HSPG2: variants seen among roughly 807,000 people sequenced by gnomAD.
HSPG2 encodes basement membrane-specific heparan sulfate proteoglycan core protein.
Under a neutral mutation model 526.6 loss-of-function variants are expected in HSPG2, and 278 were observed. The observed-to-expected ratio is 0.53, with a 90% confidence interval of 0.48 to 0.58. The LOEUF (loss-of-function observed/expected upper bound fraction) is 0.58. Ranked by LOEUF, HSPG2 falls within the 20% of genes least tolerant of loss-of-function variation. The pLI, the probability that HSPG2 is intolerant of heterozygous loss-of-function variation, is 0.00. For synonymous variants in HSPG2, 2,465 were observed against 2,555.4 expected (o/e 0.96, Z 1.07); for missense variants, 5,354 against 6,099.5 (o/e 0.88, Z 4.07).
chr1:21,873,198 T>TA lies in HSPG2; in HGVS notation c.3794-108dup, dbSNP rs1204488815. On this transcript the variant is annotated intron_variant, in intron 30 of 96. Transcript: ENST00000374695. ...CGGGAGCTCTGATTTCTGATGTGAG[T>TA]ACTCAACACTCTCACGACAGCCCTC... 4.4e-6 allele frequency: 5 copies of TA among 1,144,024 alleles called. No individual in the cohort carries two copies. The African/African-American group carries it at 6.1e-5, about 14-fold the overall frequency. 70.9% of individuals were successfully genotyped at this position (1,144,024 alleles called of 1,614,324 possible).
At chr1:21,891,034 C>T (rs917568912) in intron 3 of HSPG2, among the ~76,000 whole-genome samples, 1 of 152,230 alleles carries the variant, frequency 6.6e-6, no homozygotes, top group African/African-American at 2.4e-5. Flanking sequence ...CAGGGATTAC[C>T]TGCGTGTGAC....
Position 21,823,234 on chromosome 1 carries a change from T to C in HSPG2, c.*82A>G. On this transcript the variant is annotated 3_prime_UTR_variant, in exon 97 of 97. Transcript: ENST00000374695. ...GCATCGCCTCGGTTTCTTACAAAAA[T>C]TCATAATAATATTAATAATAATATA... is the stretch of plus-strand genomic sequence containing the variant. The C allele has an allele frequency of 7.1e-6, 9 of 1,272,250 alleles. No individual in the cohort carries two copies. The highest frequency in any genetic ancestry group is 9.3e-6 in the Non-Finnish European group (9 of 969,964). 78.8% of individuals were successfully genotyped at this position (1,272,250 alleles called of 1,614,324 possible). A position where few individuals can be genotyped will look rare whatever the true frequency, so the allele number is the denominator to read the frequency against.
rs1377181476 is a variant in HSPG2 at position 21,831,578 on chromosome 1, A to G, written c.11353-16T>C. 1 of 1,613,874 alleles carries G rather than the reference A, an allele frequency of 6.2e-7. No individual in the cohort carries two copies. Among genetic ancestry groups the G allele is most frequent in the Non-Finnish European group, 8.5e-7 (1 of 1,179,930 alleles). ...GGAACTTGCCCTGGGGAGGTGGGGA[A>G]GTCAGGAATGGCAACAGAGGCTGGG... is the stretch of plus-strand genomic sequence containing the variant. On this transcript the variant is annotated splice_polypyrimidine_tract_variant and intron_variant, in intron 82 of 96. Transcript: ENST00000374695.
Position 21,823,157 on chromosome 1 carries a change from A to AG in HSPG2, c.*158dup. The AG allele has an allele frequency of 1.5e-6, 1 of 674,540 alleles. No homozygotes were observed. The allele number at this position is 674,540 out of a possible 1,614,324, so 41.8% of individuals were successfully genotyped here. ...GTGGCTTTGCCCAGCTGTGTGTGTG[A>AG]GGGTGGCATGCCCACCTCCAGTCCA... is the stretch of plus-strand genomic sequence containing the variant. On this transcript the variant is annotated 3_prime_UTR_variant, in exon 97 of 97. Coordinates refer to ENST00000374695, the MANE Select transcript of HSPG2 (RefSeq NM_005529.7).
At position 21,872,647 on chromosome 1, in the gene HSPG2, G is replaced by A. The variant is rs770032587; in HGVS notation, c.4002C>T (p.Cys1334=). 8 of 1,595,218 alleles carry A rather than the reference G, an allele frequency of 5.0e-6. No homozygotes were observed. Among genetic ancestry groups the A allele is most frequent in the South Asian group, 2.3e-5 (2 of 87,702 alleles). ...GGTGGCGTGTGTAGGCAGAGCTGGC[G>A]CACTGCTGGGTGATGCCCATACAGA... ...PCFCMGITQQ[C]ASSAYTRHLI... The change falls in exon 32 of 97, where the codon TGC becomes TGT. Residue 1334 remains cysteine, a synonymous_variant. Transcript: ENST00000374695. This position sits in a 1 kb window ranked among gnomAD's most constrained non-coding sequence, Gnocchi z 5.5.
chr1:21,822,410 A>G lies in HSPG2; in HGVS notation c.*906T>C, dbSNP rs1028392980. The G allele has an allele frequency of 6.5e-6, 4 of 612,412 alleles. No individual in the cohort carries two copies. The highest frequency in any genetic ancestry group is 5.5e-5 in the African/African-American group (3 of 54,280). 37.9% of individuals were successfully genotyped at this position (612,412 alleles called of 1,614,324 possible). Reference sequence around the variant, plus strand: ...CCTGCAGATGGGGCAGGGTGGTCATATCCCCCTCCTCTCTCTCTCAGTCGT... The same window carrying G: ...CCTGCAGATGGGGCAGGGTGGTCATGTCCCCCTCCTCTCTCTCTCAGTCGT... On this transcript the variant is annotated 3_prime_UTR_variant, in exon 97 of 97. Transcript: ENST00000374695.
At position 21,863,068 on chromosome 1, in the gene HSPG2, A is replaced by ACAAAAAAAAAAAC. The variant is rs1557740472; in HGVS notation, c.4741-954_4741-953insGTTTTTTTTTTTG. Among the ~76,000 whole-genome samples, 471 of 66,246 alleles carry ACAAAAAAAAAAAC rather than the reference A, an allele frequency of 7.1e-3. 17 individuals are homozygous for ACAAAAAAAAAAAC. The highest frequency in any genetic ancestry group is 0.01 in the Non-Finnish European group (354 of 34,172). The allele number at this position is 66,246 out of a possible 152,430, so 43.5% of individuals were successfully genotyped here. A position where few individuals can be genotyped will look rare whatever the true frequency, so the allele number is the denominator to read the frequency against. On this transcript the variant is annotated intron_variant, in intron 37 of 96. Transcript: ENST00000374695. ...AAAGCGAGACTCCATCTCAAAAAAA[A>ACAAAAAAAAAAAC]AAAAAAAAAAAAAAAAAAAAGAGGC... is the stretch of plus-strand genomic sequence containing the variant.
rs1158293800 is a variant in HSPG2, at chr1:21,864,256, C to T, written c.4627-43G>A. 2 of 1,472,578 alleles carry T rather than the reference C, an allele frequency of 1.4e-6. No homozygotes were observed. Among genetic ancestry groups the T allele is most frequent in the East Asian group, 2.5e-5 (1 of 40,524 alleles). The allele number at this position is 1,472,578 out of a possible 1,614,324, so 91.2% of individuals were successfully genotyped here. ...GGTTGGCCTCTGTTCCCAACGTGCC[C>T]CACCCACAGCCAGCAGACCCAGAAC... On this transcript the variant is annotated intron_variant, in intron 36 of 96. Coordinates refer to ENST00000374695, the MANE Select transcript of HSPG2 (RefSeq NM_005529.7). The surrounding 1 kb of genome is among the most constrained non-coding windows in gnomAD (Gnocchi z 4.8).
Position 21,848,019 on chromosome 1 carries a change from G to A in HSPG2, c.7812C>T (p.Asn2604=), listed in dbSNP as rs564192590. 8 of 1,613,602 alleles carry A rather than the reference G, an allele frequency of 5.0e-6. No homozygotes were observed. Among genetic ancestry groups the A allele is most frequent in the East Asian group, 4.5e-5 (2 of 44,874 alleles). The change falls in exon 60 of 97, where the codon AAC becomes AAT. Residue 2604 remains asparagine, a synonymous_variant. Transcript: ENST00000374695. The surrounding 1 kb of genome is among the most constrained non-coding windows in gnomAD (Gnocchi z 4.9). The stretch of plus-strand genomic sequence containing the variant: ...GCGAGGTCTCCCGGGAGCCTGCACC[G>A]TTACTGACGTGACACACGTACTCGC... The part of the protein sequence containing the change: ...DSGEYVCHVS[N]GAGSRETSLI...
rs1638970324 is a variant in HSPG2 at position 21,852,383 on chromosome 1, C to T, written c.6725-150G>A. On this transcript the variant is annotated intron_variant, in intron 52 of 96. Transcript: ENST00000374695. ...GGGCCTGGACTTGATGCCCTCAGCT[C>T]AGCAACCCTGATGGGAGGACCAGGG... 3 of 1,009,842 alleles carry T rather than the reference C, an allele frequency of 3.0e-6. No individual in the cohort carries two copies. In the Admixed American group the frequency reaches 6.1e-5, roughly 21 times the overall value. The allele number at this position is 1,009,842 out of a possible 1,614,324, so 62.6% of individuals were successfully genotyped here.
rs761308472 is a variant in HSPG2, at chr1:21,839,809, C to T, written c.9709+13G>A. 2 of 1,612,526 alleles carry T rather than the reference C, an allele frequency of 1.2e-6. No homozygotes were observed. Among genetic ancestry groups the T allele is most frequent in the African/African-American group, 2.7e-5 (2 of 74,904 alleles). The stretch of plus-strand genomic sequence containing the variant: ...CTGCCCTGCCAGCCCTATGTGCCAG[C>T]CCTTGGTCACACCTGTGGCTGAGCA... On this transcript the variant is annotated intron_variant, in intron 72 of 96. Coordinates refer to ENST00000374695, the MANE Select transcript of HSPG2 (RefSeq NM_005529.7). This position sits in a 1 kb window ranked among gnomAD's most constrained non-coding sequence, Gnocchi z 4.5.
rs773374399 is a variant in HSPG2 at position 21,850,048 on chromosome 1, C to T, written c.7439G>A (p.Arg2480Gln). The change falls in exon 57 of 97, where the codon CGG becomes CAG. Residue 2480 changes from arginine (R) to glutamine (Q), a missense_variant. Transcript: ENST00000374695. ...TGAGCTCCTGCCTCCTACCTGGTGC[C>T]GGGCCGGGAGGCTGCCCCCGCGCTT... The part of the protein sequence containing the change: ...WHKRGGSLPA[R>Q]HQVHGSRLRL... The T allele has an allele frequency of 1.4e-5, 22 of 1,613,016 alleles. No homozygotes were observed. The highest frequency in any genetic ancestry group is 8.0e-5 in the African/African-American group (6 of 74,936).
At chr1:21,923,868 C>T (rs1644113125) in intron 1 of HSPG2, among the ~76,000 whole-genome samples, 1 of 152,160 alleles carries the variant, frequency 6.6e-6, no homozygotes, top group Admixed American at 6.5e-5. Flanking sequence ...ATGAACGGTC[C>T]CATTTTGCTT....
At chr1:21,910,308 C>T (rs1643593865) in intron 1 of HSPG2, among the ~76,000 whole-genome samples, 5 of 152,206 alleles carry the variant, frequency 3.3e-5, no homozygotes, top group African/African-American at 2.4e-5. Flanking sequence ...GTGGTGGCTG[C>T]ATCCTGTACT....
rs144919523 is a variant in HSPG2, at chr1:21,895,965, G to A, written c.201C>T (p.Asp67=). 7.3e-5 allele frequency: 118 copies of A among 1,614,022 alleles called. No homozygotes were observed. Among genetic ancestry groups the A allele is most frequent in the East Asian group, 2.2e-4 (10 of 44,874 alleles). Residue 67 remains aspartate, a splice_region_variant and synonymous_variant, in exon 3 of 97, where the codon GAC becomes GAT. Transcript: ENST00000374695. The surrounding 1 kb of genome is among the most constrained non-coding windows in gnomAD (Gnocchi z 4.1). ...EDMLADSISG[D]DLGSGDLGSG... Reference sequence around the variant, plus strand: ...TGCCCAGGTCCCCACTGCCCAGGTCGTCTATAAGCAAAAAAGAGATGTAAT... The same window carrying A: ...TGCCCAGGTCCCCACTGCCCAGGTCATCTATAAGCAAAAAAGAGATGTAAT...
chr1:21,839,951 C>G lies in HSPG2; in HGVS notation c.9580G>C (p.Ala3194Pro). 1.9e-6 allele frequency: 3 copies of G among 1,614,156 alleles called. No homozygotes were observed. Among genetic ancestry groups the G allele is most frequent in the Non-Finnish European group, 2.5e-6 (3 of 1,180,028 alleles). The change falls in exon 72 of 97, where the codon GCA becomes CCA. Residue 3194 changes from alanine to proline, a missense_variant. By Grantham distance (27) the Ala-to-Pro change is conservative. Transcript: ENST00000374695. The surrounding 1 kb of genome is among the most constrained non-coding windows in gnomAD (Gnocchi z 4.5). ...VCLAQNALGT[A>P]QKQVEVIVDT... ...ACGATCACCTCCACCTGCTTCTGTG[C>G]TGTGCCTAGTGCATTCTGAGCAAGG... is the stretch of plus-strand genomic sequence containing the variant.
In HSPG2 at chr1:21,884,795, G is replaced by A. The variant is rs774284691; in HGVS notation, c.1479C>T (p.Asp493=). 2.3e-5 allele frequency: 37 copies of A among 1,613,574 alleles called. No homozygotes were observed. The highest frequency in any genetic ancestry group is 2.5e-5 in the Non-Finnish European group (29 of 1,180,006). The part of the protein sequence containing the change: ...NARGMVFGIP[D]GVLELVPQRG... Reference sequence around the variant, plus strand: ...GTTGTGGGACGAGCTCAAGGACACCGTCAGGAATGCCAAACACCATGCCCC... The same window carrying A: ...GTTGTGGGACGAGCTCAAGGACACCATCAGGAATGCCAAACACCATGCCCC... The change falls in exon 12 of 97, where the codon GAC becomes GAT. Residue 493 remains aspartate (D), a synonymous_variant. Transcript: ENST00000374695.
At chr1:21,845,559 T>C (rs1419650356) in intron 64 of HSPG2, among the ~76,000 whole-genome samples, 18 of 152,030 alleles carry the variant, frequency 1.2e-4, no homozygotes, top group Admixed American at 9.2e-4. Context: ...TTTGTATTTT[T>C]AGTAGAGATG....
At chr1:21,830,250 G>A in intron 85 of HSPG2, 159 bp from the exon 86 acceptor site, 1 of 650,938 alleles carries the variant, frequency 1.5e-6, no homozygotes, top group South Asian at 1.8e-5. Flanking sequence ...AGCAGAGCAA[G>A]GCGGGAGCCA....
Sources: allele counts gnomAD v4.1 joint callset (sites outside exome capture counted in the v4.1 genomes callset), GRCh38; gene constraint gnomAD v4.1.1; non-coding constraint Gnocchi (gnomAD v3.1); transcripts MANE v1.5; gene names NCBI Gene and HGNC (gene_info 2026-07-23, HGNC 2026-07-21).